Variants in LRP1 observed in about 807,000 individuals in gnomAD.
LRP1 encodes LDL receptor related protein 1.
A neutral mutation model predicts 541.5 loss-of-function variants in LRP1; 51 were observed. The observed-to-expected ratio is 0.09, with a 90% CI of 0.08 to 0.12. LRP1 has a LOEUF of 0.12. Ranked by LOEUF, LRP1 falls within the 10% of genes least tolerant of loss-of-function variation. The pLI is 1.00. For synonymous variants in LRP1, 2,219 were observed against 2,470.8 expected, an observed-to-expected ratio of 0.90 and a Z score of 3.02; for missense variants, 3,878 against 6,376.2, an observed-to-expected ratio of 0.61 and a Z score of 13.34.
At chr12:57,181,985 A>T (rs1476833654) in intron 34 of LRP1, among the ~76,000 whole-genome samples, 2 of 152,190 alleles carry the variant, frequency 1.3e-5, no homozygotes, top group Admixed American at 6.5e-5. Context: ...GAGTTGAACA[A>T]AGTTTAAAAG....
At position 57,211,459 on chromosome 12, in the gene LRP1, A is replaced by G; in HGVS notation, c.13092-28A>G. ...TCCCAGGCACGCCTCTGCCAGCCCC[A>G]GCCCCAGCCTCTGATTCCTTCCTGC... On this transcript the variant is annotated intron_variant, in intron 84 of 88. Coordinates refer to ENST00000243077, the MANE Select transcript of LRP1 (RefSeq NM_002332.3). The surrounding 1 kb of genome is among the most constrained non-coding windows in gnomAD (Gnocchi z 4.3). 6.2e-7 allele frequency: 1 copy of G among 1,611,632 alleles called. No homozygotes were observed. The highest frequency in any genetic ancestry group is 1.3e-5 in the African/African-American group (1 of 74,814).
At chr12:57,129,950 GCCCAAAAC>G (rs2136644713) in intron 1 of LRP1, among the ~76,000 whole-genome samples, 1 of 152,236 alleles carries the variant, frequency 6.6e-6, no homozygotes, top group Non-Finnish European at 1.5e-5. Context: ...ACCCCTCCAA[GCCCAAAAC>G]CCCATACACA....
Position 57,202,879 on chromosome 12 carries a change from G to C in LRP1, c.10712-302G>C, listed in dbSNP as rs1478219450. 5.3e-6 allele frequency: 3 copies of C among 563,132 alleles called. No homozygotes were observed. In the Admixed American group the frequency reaches 9.3e-5, roughly 18 times the overall value. 34.9% of individuals were successfully genotyped at this position (563,132 alleles called of 1,614,324 possible). ...CTTGATTGACCTCTCCCCAAACCCT[G>C]GTGCTTGTCTCAGTGGTCTTGCCCC... On this transcript the variant is annotated intron_variant, in intron 68 of 88. Transcript: ENST00000243077.
At chr12:57,176,453 T>C (rs1222292972) in intron 24 of LRP1, among the ~76,000 whole-genome samples, 1 of 152,180 alleles carries the variant, frequency 6.6e-6, no homozygotes, top group Non-Finnish European at 1.5e-5. Context: ...CACCCCAGAC[T>C]TCCTTCAGTC....
intron 6 of LRP1, among the ~76,000 whole-genome samples, chr12:57,147,828 G>A (rs1325350597): frequency 1.3e-5 from 2 of 152,164 alleles, no homozygotes; most frequent in African/African-American, 2.4e-5. Flanking sequence ...GCCCCCGAGG[G>A]CCCCCCTGAG....
At chr12:57,193,024 TG>T in intron 45 of LRP1, 54 bp downstream of exon 45, 1 of 1,599,458 alleles carries the variant, frequency 6.3e-7, no homozygotes, top group Non-Finnish European at 8.5e-7. Context: ...ACACCAGGGA[TG>T]GTGACCATCT....
chr12:57,173,096 C>G lies in LRP1; in HGVS notation c.3164-72C>G. On this transcript the variant is annotated intron_variant, in intron 20 of 88. Coordinates refer to ENST00000243077, the MANE Select transcript of LRP1 (RefSeq NM_002332.3). The surrounding 1 kb of genome is among the most constrained non-coding windows in gnomAD (Gnocchi z 4.7). ...CCCCAGGCTGGGCTTACCGGGGTGGCAGGGCACAGGGATGAGGAGGGCTGA... is the reference window on the plus strand; with the variant it reads ...CCCCAGGCTGGGCTTACCGGGGTGGGAGGGCACAGGGATGAGGAGGGCTGA... The G allele has an allele frequency of 5.3e-6, 7 of 1,318,720 alleles. No homozygotes were observed. Among genetic ancestry groups the G allele is most frequent in the Non-Finnish European group, 7.3e-6 (7 of 961,224 alleles). The allele number at this position is 1,318,720 out of a possible 1,614,324, so 81.7% of individuals were successfully genotyped here. A position where few individuals can be genotyped will look rare whatever the true frequency, so the allele number is the denominator to read the frequency against.
rs1349139277 is a variant in LRP1, at chr12:57,175,680, T to C, written c.3768T>C (p.Pro1256=). ...GCTACGAGGGCTGGGTCCTGGAACC[T>C]GACGGCGAGAGCTGCCGCAGCCTGG... ...CSCYEGWVLE[P]DGESCRSLDP... The change falls in exon 23 of 89, where the codon CCT becomes CCC. Residue 1256 remains proline, a synonymous_variant. Coordinates refer to ENST00000243077, the MANE Select transcript of LRP1 (RefSeq NM_002332.3). 1 of 1,578,828 alleles carries C rather than the reference T, an allele frequency of 6.3e-7. No homozygotes were observed. The highest frequency in any genetic ancestry group is 8.6e-7 in the Non-Finnish European group (1 of 1,160,342).
chr12:57,209,338 C>G (rs2036856545), intron 79 of LRP1, 139 bp downstream of exon 79: 1 of 715,076 alleles, frequency 1.4e-6, no homozygotes, highest in African/African-American at 1.8e-5. Flanking sequence ...TTCCAGGCCT[C>G]TCCAGCTGGC....
At chr12:57,202,298 C>A (rs573313336) in intron 67 of LRP1, 123 bp from the exon 68 acceptor site, 9 of 785,790 alleles carry the variant, frequency 1.1e-5, no homozygotes, top group South Asian at 1.0e-4. Flanking sequence ...GGGCTCCCCG[C>A]GGCTGACCCT....
intron 67 of LRP1, 107 bp from the exon 68 acceptor site, chr12:57,202,314 A>G (rs966708233): frequency 9.1e-6 from 8 of 882,464 alleles, no homozygotes; most frequent in African/African-American, 3.3e-5. Context: ...ACCCTTCCCA[A>G]GCTGGGATGC....
Position 57,169,127 on chromosome 12 carries a change from C to G in LRP1, c.2996-13C>G, listed in dbSNP as rs1168755305. ...CTCCCGCTTTGCCTCTCCCCTTCTTCCCCCACCGCCAGACAATGACTGTGG... is the reference window on the plus strand; with the variant it reads ...CTCCCGCTTTGCCTCTCCCCTTCTTGCCCCACCGCCAGACAATGACTGTGG... On this transcript the variant is annotated splice_polypyrimidine_tract_variant and intron_variant, in intron 19 of 88. Transcript: ENST00000243077. 1 of 1,592,280 alleles carries G rather than the reference C, an allele frequency of 6.3e-7. No individual in the cohort carries two copies. The highest frequency in any genetic ancestry group is 2.3e-5 in the East Asian group (1 of 44,234).
In LRP1 at chr12:57,165,085, G is replaced by A. The variant is rs905275500; in HGVS notation, c.2531-720G>A. ...GGGAACAGCAGTGAGGAGCAAGGAG[G>A]ACACATACCAGCCTCCAGGTCCATG... On this transcript the variant is annotated intron_variant, in intron 15 of 88. Coordinates refer to ENST00000243077, the MANE Select transcript of LRP1 (RefSeq NM_002332.3). This position sits in a 1 kb window ranked among gnomAD's most constrained non-coding sequence, Gnocchi z 4.5. The A allele has an allele frequency of 6.6e-6, 1 of 152,370 alleles. No individual in the cohort carries two copies. The allele number at this position is 152,370 out of a possible 1,614,324, so 9.4% of individuals were successfully genotyped here. A position where few individuals can be genotyped will look rare whatever the true frequency, so the allele number is the denominator to read the frequency against.
chr12:57,194,706 G>A lies in LRP1; in HGVS notation c.8191+7G>A. Reference sequence around the variant, plus strand: ...GAGGACGAGACCCACTGCAGTGAGTGACCACTGCACCCACTCAGTGCTCCA... The same window carrying A: ...GAGGACGAGACCCACTGCAGTGAGTAACCACTGCACCCACTCAGTGCTCCA... On this transcript the variant is annotated splice_region_variant and intron_variant, in intron 50 of 88. Transcript: ENST00000243077. 1 of 1,552,368 alleles carries A rather than the reference G, an allele frequency of 6.4e-7. No homozygotes were observed. Among genetic ancestry groups the A allele is most frequent in the Non-Finnish European group, 8.7e-7 (1 of 1,148,502 alleles).
Position 57,196,098 on chromosome 12 carries a change from A to G in LRP1, c.8713A>G (p.Asn2905Asp). The change falls in exon 55 of 89, where the codon AAT becomes GAT. Residue 2905 changes from asparagine (N) to aspartate (D), a missense_variant. By Grantham distance (23) the Asn-to-Asp change is conservative. Around this residue, in one of 13 missense-constraint regions of LRP1, gnomAD observed 1,100 missense variants for 1,827.4 expected, o/e 0.60. Transcript: ENST00000243077. ...CCGCCCCTCCGCAGAGCACAAGTGC[A>G]ATGCCTCGTCACAGTTCCTGTGCAG... is the stretch of plus-strand genomic sequence containing the variant. ...PHCTSQEHKC[N>D]ASSQFLCSSG... 1 of 1,606,552 alleles carries G rather than the reference A, an allele frequency of 6.2e-7. No homozygotes were observed. Among genetic ancestry groups the G allele is most frequent in the Non-Finnish European group, 8.5e-7 (1 of 1,174,378 alleles).
Position 57,177,283 on chromosome 12 carries a change from C to A in LRP1, c.4196+38C>A. 2 of 1,605,464 alleles carry A rather than the reference C, an allele frequency of 1.2e-6. No homozygotes were observed. Among genetic ancestry groups the A allele is most frequent in the African/African-American group, 1.3e-5 (1 of 74,886 alleles). ...CCCAGCCTTCTCCTGGCCCCATGGC[C>A]CCCCTGAAGTCCCATTCAGCCTGGC... On this transcript the variant is annotated intron_variant, in intron 25 of 88. Transcript: ENST00000243077. This position sits in a 1 kb window ranked among gnomAD's most constrained non-coding sequence, Gnocchi z 6.8.
In LRP1 at chr12:57,167,479, T is replaced by G; in HGVS notation, c.2950T>G (p.Cys984Gly). Residue 984 changes from cysteine (C) to glycine (G), a missense_variant, in exon 19 of 89, where the codon TGC becomes GGC. Physicochemically the swap from Cys to Gly is radical, Grantham distance 159. This residue lies in a region of LRP1 where 320 missense variants were observed against 547.9 expected (regional missense o/e 0.58). Coordinates refer to ENST00000243077, the MANE Select transcript of LRP1 (RefSeq NM_002332.3). ...CTGCTTCCCCCTGACTCAGTTTACC[T>G]GCAACAATGGCAGATGTATCAACAT... ...PTCFPLTQFTCNNGRCININW... is the reference protein window; with the variant it reads ...PTCFPLTQFTGNNGRCININW... 1 of 1,614,142 alleles carries G rather than the reference T, an allele frequency of 6.2e-7. No homozygotes were observed. Among genetic ancestry groups the G allele is most frequent in the Non-Finnish European group, 8.5e-7 (1 of 1,179,986 alleles).
chr12:57,200,284 C>T, intron 62 of LRP1, 158 bp from the exon 63 acceptor site: 3 of 666,792 alleles, frequency 4.5e-6, no homozygotes, highest in Non-Finnish European at 5.5e-6. Flanking sequence ...TCCCACGCAG[C>T]CCCATACCTG....
Position 57,167,515 on chromosome 12 carries a change from T to G in LRP1, c.2986T>G (p.Cys996Gly), listed in dbSNP as rs1348605857. The G allele has an allele frequency of 1.2e-6, 2 of 1,613,730 alleles. No individual in the cohort carries two copies. Among genetic ancestry groups the G allele is most frequent in the South Asian group, 1.1e-5 (1 of 91,088 alleles). Reference sequence around the variant, plus strand: ...CAGATGTATCAACATCAACTGGAGATGCGACAATGGTAAGAGCTTGCTCTC... The same window carrying G: ...CAGATGTATCAACATCAACTGGAGAGGCGACAATGGTAAGAGCTTGCTCTC... ...NGRCININWR[C>G]DNDNDCGDNS... The change falls in exon 19 of 89, where the codon TGC (cysteine) becomes GGC (glycine). Residue 996 changes from cysteine (C) to glycine (G), a missense_variant. Physicochemically the swap from Cys to Gly is radical, Grantham distance 159. This residue lies in a region of LRP1 where 320 missense variants were observed against 547.9 expected (regional missense o/e 0.58). Transcript: ENST00000243077.
Sources: gnomAD v4.1 joint callset for allele counts (sites outside exome capture counted in the v4.1 genomes callset) on GRCh38, gnomAD v4.1.1 for gene constraint, gnomAD v4.1.1 regional missense constraint, Gnocchi (gnomAD v3.1) non-coding constraint, MANE v1.5 for transcripts, NCBI Gene and HGNC (gene_info 2026-07-23, HGNC 2026-07-21) for gene names.